The following EXT2 variants were observed in gnomAD, a reference collection of about 807,000 sequenced individuals.
The protein encoded by EXT2 is exostosin glycosyltransferase 2, also known as exostosin-2.
EXT2 carries 53 observed loss-of-function variants against 81.6 expected under a neutral mutation model. That is an observed-to-expected ratio of 0.65 (90% CI 0.52 to 0.82). The LOEUF (loss-of-function observed/expected upper bound fraction) is 0.82. Ranked by LOEUF, EXT2 falls within the 40% of genes least tolerant of loss-of-function variation. The pLI is 0.00. For synonymous variants in EXT2, 320 were observed against 340.0 expected (o/e 0.94, Z 0.65); for missense variants, 774 against 910.2 (o/e 0.85, Z 1.93).
intron 9 of EXT2, among the ~76,000 whole-genome samples, chr11:44,202,160 AC>A (rs1955529443): frequency 6.6e-6 from 1 of 152,110 alleles, no homozygotes; most frequent in Non-Finnish European, 1.5e-5. Context: ...TTCTACCTGC[AC>A]CCCATATCAT....
intron 10 of EXT2, among the ~76,000 whole-genome samples, chr11:44,225,697 A>G (rs1955831224): frequency 6.6e-6 from 1 of 152,230 alleles, no homozygotes; most frequent in Non-Finnish European, 1.5e-5. Context: ...GTAGGAAGTC[A>G]GATGACTTCA....
In EXT2 at chr11:44,114,788, T is replaced by TA. The variant is rs144732304; in HGVS notation, c.743+488dup. Among the ~76,000 whole-genome samples the TA allele has an allele frequency of 0.021, 3,183 of 152,256 alleles. 260 individuals carry two copies. In the East Asian group the frequency reaches 0.29, roughly 14 times the overall value. ...TTAGGATAAGATTCACGTTAGTCCT[T>TA]AGCCCACAGTCCCTAAAACATCTTT... On this transcript the variant is annotated intron_variant, in intron 4 of 13. Transcript: ENST00000533608.
chr11:44,120,952 T>G (rs1048069674), intron 4 of EXT2, among the ~76,000 whole-genome samples: 4 of 152,220 alleles, frequency 2.6e-5, no homozygotes, highest in Non-Finnish European at 5.9e-5. Context: ...CATTTTAGTC[T>G]TTAAAAGAAA....
At chr11:44,175,163 A>G (rs1292519290) in intron 8 of EXT2, among the ~76,000 whole-genome samples, 1 of 152,210 alleles carries the variant, frequency 6.6e-6, no homozygotes, top group African/African-American at 2.4e-5. Context: ...AGAAATGCAG[A>G]TGAAAATTAA....
At chr11:44,156,096 G>A (rs957836651) in intron 7 of EXT2, among the ~76,000 whole-genome samples, 1 of 152,136 alleles carries the variant, frequency 6.6e-6, no homozygotes, top group African/African-American at 2.4e-5. Context: ...GCTGCCAGAT[G>A]TATTTGAGCT....
At chr11:44,190,744 G>A (rs1011766830) in intron 8 of EXT2, among the ~76,000 whole-genome samples, 1 of 152,194 alleles carries the variant, frequency 6.6e-6, no homozygotes, top group Non-Finnish European at 1.5e-5. Flanking sequence ...TTCACAATCC[G>A]AGTAGCATCA....
intron 6 of EXT2, among the ~76,000 whole-genome samples, chr11:44,127,431 T>C (rs935719089): frequency 6.6e-6 from 1 of 152,192 alleles, no homozygotes. Context: ...TAAATTATCA[T>C]AGAAGCGTGG....
chr11:44,109,520 A>T (rs1320140761), intron 3 of EXT2, among the ~76,000 whole-genome samples: 2 of 152,200 alleles, frequency 1.3e-5, no homozygotes, highest in Admixed American at 1.3e-4. Flanking sequence ...TGGATTGTGC[A>T]CTTCTGAGTG....
At chr11:44,117,570 T>G (rs997011025) in intron 4 of EXT2, among the ~76,000 whole-genome samples, 4 of 152,212 alleles carry the variant, frequency 2.6e-5, no homozygotes, top group Non-Finnish European at 5.9e-5. Flanking sequence ...AAAAAACAAG[T>G]CTTCTTCTAT....
At chr11:44,200,576 G>A (rs1955510920) in intron 9 of EXT2, among the ~76,000 whole-genome samples, 1 of 152,170 alleles carries the variant, frequency 6.6e-6, no homozygotes, top group Non-Finnish European at 1.5e-5. Flanking sequence ...CAGGCAGGGT[G>A]GGGTTGGCTG....
chr11:44,112,992 C>T (rs1702519790), intron 3 of EXT2, among the ~76,000 whole-genome samples: 2 of 152,194 alleles, frequency 1.3e-5, no homozygotes, highest in African/African-American at 4.8e-5. Context: ...CCATCATGGT[C>T]ATGGAACCTG....
rs546762275 is a variant in EXT2, at chr11:44,200,059, T to G, written c.1495+2041T>G. ...CATGTTTAATCTTCTGTGGGGTGTT[T>G]GTTCAGTTGGTAAATGAGGCTGTCA... is the stretch of plus-strand genomic sequence containing the variant. On this transcript the variant is annotated intron_variant, in intron 9 of 13. Transcript: ENST00000533608. 1.3e-4 allele frequency among the ~76,000 whole-genome samples: 20 copies of G among 152,114 alleles called. 1 individual carries two copies. The South Asian group carries it at 2.7e-3, about 21-fold the overall frequency.
chr11:44,194,737 A>C (rs1157875880), intron 8 of EXT2, among the ~76,000 whole-genome samples: 1 of 152,238 alleles, frequency 6.6e-6, no homozygotes, highest in Non-Finnish European at 1.5e-5. Flanking sequence ...GTAAGTACTC[A>C]GTAAATCTTG....
intron 7 of EXT2, among the ~76,000 whole-genome samples, chr11:44,162,091 A>G (rs1954935246): frequency 6.6e-6 from 1 of 152,236 alleles, no homozygotes; most frequent in African/African-American, 2.4e-5. Flanking sequence ...TGGAGAAGAA[A>G]AAAAGTATGT....
chr11:44,204,637 T>C (rs1325191226), intron 9 of EXT2, among the ~76,000 whole-genome samples: 1 of 152,164 alleles, frequency 6.6e-6, no homozygotes, highest in Non-Finnish European at 1.5e-5. Flanking sequence ...GAGTTCCGCC[T>C]CCTATCAGAT....
Position 44,124,846 on chromosome 11 carries a change from G to C in EXT2, c.801G>C (p.Glu267Asp). 1 of 1,614,046 alleles carries C rather than the reference G, an allele frequency of 6.2e-7. No individual in the cohort carries two copies. Among genetic ancestry groups the C allele is most frequent in the Non-Finnish European group, 8.5e-7 (1 of 1,180,006 alleles). The change falls in exon 5 of 14, where the codon GAG becomes GAC. Residue 267 changes from glutamate (E) to aspartate (D), a missense_variant. Physicochemically the swap from Glu to Asp is conservative, Grantham distance 45. This residue lies in a region of EXT2 where 626 missense variants were observed against 670.5 expected (regional missense o/e 0.93). Transcript: ENST00000533608. ...SQVGLHPEYR[E>D]DLEALQVKHG... is the part of the protein sequence containing the mutation. ...TGGGTCTCCATCCTGAGTACAGAGA[G>C]GACCTAGAAGCCCTCCAGGTCAAAC... is the stretch of plus-strand genomic sequence containing the variant.
intron 4 of EXT2, among the ~76,000 whole-genome samples, chr11:44,119,124 T>TCATATA (rs1555004227): frequency 1.4e-3 from 35 of 25,654 alleles, no homozygotes; most frequent in African/African-American, 2.7e-3. Flanking sequence ...ATTTGGCTAT[T>TCATATA]TATATATATA....
intron 7 of EXT2, among the ~76,000 whole-genome samples, chr11:44,154,059 T>A (rs1954828305): frequency 6.6e-6 from 1 of 152,048 alleles, no homozygotes; most frequent in South Asian, 2.1e-4. Context: ...ATAATTTTGA[T>A]ACAGGCATAC....
At chr11:44,124,680 A>G (rs1203496093) in intron 4 of EXT2, 109 bp from the exon 5 acceptor site, 1 of 822,762 alleles carries the variant, frequency 1.2e-6, no homozygotes, top group African/African-American at 1.7e-5. Context: ...AGTGGAGGTG[A>G]AGACTGGTAA....
Sources: allele counts gnomAD v4.1 joint callset (sites outside exome capture counted in the v4.1 genomes callset), GRCh38; gene constraint gnomAD v4.1.1; regional missense constraint gnomAD v4.1.1; transcripts MANE v1.5; gene names NCBI Gene and HGNC (gene_info 2026-07-23, HGNC 2026-07-21).